CNTN3: variants seen among roughly 807,000 people sequenced by gnomAD.
CNTN3 encodes the protein contactin 3.
CNTN3 carries 60 observed loss-of-function variants against 119.1 expected under a neutral mutation model. The ratio of observed to expected loss-of-function variants is 0.50; its 90% CI spans 0.41 to 0.62. The LOEUF (loss-of-function observed/expected upper bound fraction) is 0.62. CNTN3 is among the 20% of genes least tolerant of loss of function. The probability of loss-of-function intolerance (pLI) is 0.00; values close to 1 mark genes in which losing one functional copy is unlikely to be tolerated. For synonymous variants in CNTN3, 450 were observed against 438.7 expected (o/e 1.03, Z -0.32); for missense variants, 1,101 against 1,242.4 (o/e 0.89, Z 1.71).
intron 5 of CNTN3, among the ~76,000 whole-genome samples, chr3:74,399,635 A>C (rs1705142718): frequency 6.6e-6 from 1 of 152,132 alleles, no homozygotes; most frequent in Admixed American, 6.5e-5. Context: ...AGAATGATTT[A>C]TATTCCTTTG....
At chr3:74,570,218 G>T (rs964600713) in intron 1 of CNTN3, among the ~76,000 whole-genome samples, 2 of 152,046 alleles carry the variant, frequency 1.3e-5, no homozygotes, top group Non-Finnish European at 2.9e-5. Context: ...GTATATGGAG[G>T]GGGAGGAGGG....
chr3:74,544,731 TG>T (rs1455163029), intron 1 of CNTN3, among the ~76,000 whole-genome samples: 2 of 152,074 alleles, frequency 1.3e-5, no homozygotes, highest in Non-Finnish European at 2.9e-5. Flanking sequence ...CCCAAGTAGC[TG>T]GGACTACAGG....
chr3:74,446,776 C>A (rs1443454043), intron 4 of CNTN3, among the ~76,000 whole-genome samples: 2 of 150,262 alleles, frequency 1.3e-5, no homozygotes, highest in East Asian at 3.9e-4. Context: ...ACAGTGCTAC[C>A]CTAGAGTATT....
In CNTN3 at chr3:74,285,523, G is replaced by T. The variant is rs148205686; in HGVS notation, c.2518-32C>A. On this transcript the variant is annotated intron_variant, in intron 19 of 22. Transcript: ENST00000263665. The stretch of plus-strand genomic sequence containing the variant: ...GGCGGAAGACACCAAACATGTGAAG[G>T]CTTAAAAAATTCTGCCCTTTCCATT... The T allele has an allele frequency of 1.5e-4, 242 of 1,562,136 alleles. No homozygotes were observed. In the East Asian group the frequency reaches 5.3e-3, roughly 34 times the overall value.
chr3:74,573,572 A>G (rs1005309664), intron 1 of CNTN3, among the ~76,000 whole-genome samples: 3 of 152,162 alleles, frequency 2.0e-5, no homozygotes, highest in African/African-American at 4.8e-5. Flanking sequence ...CTCAGAATAC[A>G]TAAAGAATTC....
At chr3:74,477,848 T>TA (rs1056662476) in intron 4 of CNTN3, among the ~76,000 whole-genome samples, 22 of 151,828 alleles carry the variant, frequency 1.4e-4, no homozygotes, top group Non-Finnish European at 2.8e-4. Context: ...ATTAAAAATT[T>TA]AAAAAAATTA....
Position 74,453,066 on chromosome 3 carries a change from G to T in CNTN3, c.359-28126C>A, listed in dbSNP as rs931670584. Among the ~76,000 whole-genome samples the T allele has an allele frequency of 2.0e-5, 3 of 151,782 alleles. No individual in the cohort carries two copies. In the East Asian group the frequency reaches 5.8e-4, roughly 30 times the overall value. Reference sequence around the variant, plus strand: ...AGGGAGGTTTCCCTCTTTTTCTATTGATTGGAATAGTTTCAGAAGGAATGG... The same window carrying T: ...AGGGAGGTTTCCCTCTTTTTCTATTTATTGGAATAGTTTCAGAAGGAATGG... On this transcript the variant is annotated intron_variant, in intron 4 of 22. Coordinates refer to ENST00000263665, the MANE Select transcript of CNTN3 (RefSeq NM_020872.3).
At chr3:74,401,504 A>ACGCG (rs1396252808) in intron 5 of CNTN3, among the ~76,000 whole-genome samples, 2 of 150,340 alleles carry the variant, frequency 1.3e-5, no homozygotes, top group Non-Finnish European at 1.5e-5. Flanking sequence ...CACACACCAC[A>ACGCG]CACGCGCGCA....
At chr3:74,386,220 AG>A (rs898078505) in intron 5 of CNTN3, among the ~76,000 whole-genome samples, 3 of 152,218 alleles carry the variant, frequency 2.0e-5, no homozygotes, top group Middle Eastern at 3.2e-3. Context: ...AGAATTCAAA[AG>A]GGTTGGGGAA....
intron 4 of CNTN3, among the ~76,000 whole-genome samples, chr3:74,463,982 G>T (rs1034611198): frequency 6.6e-6 from 1 of 152,116 alleles, no homozygotes; most frequent in African/African-American, 2.4e-5. Context: ...GCATTCCTCA[G>T]GAACCCTTTG....
At chr3:74,582,274 C>T (rs899954545) in intron 1 of CNTN3, among the ~76,000 whole-genome samples, 3 of 151,994 alleles carry the variant, frequency 2.0e-5, no homozygotes, top group Non-Finnish European at 2.9e-5. Flanking sequence ...GGTATGGTGG[C>T]GGGCGCCTGT....
chr3:74,418,852 G>T (rs368584005), intron 5 of CNTN3, among the ~76,000 whole-genome samples: 1 of 151,396 alleles, frequency 6.6e-6, no homozygotes, highest in African/African-American at 2.4e-5. Context: ...GCAATGGTGC[G>T]ATCTCGGCTT....
chr3:74,438,499 T>A (rs1701908971), intron 4 of CNTN3, among the ~76,000 whole-genome samples: 1 of 152,240 alleles, frequency 6.6e-6, no homozygotes, highest in Non-Finnish European at 1.5e-5. Flanking sequence ...GCCACATCTA[T>A]CCAGACTTAT....
At chr3:74,449,573 T>C (rs959093921) in intron 4 of CNTN3, among the ~76,000 whole-genome samples, 1 of 152,014 alleles carries the variant, frequency 6.6e-6, no homozygotes, top group African/African-American at 2.4e-5. Context: ...AAAGCACATA[T>C]AAAAATAAGA....
intron 13 of CNTN3, among the ~76,000 whole-genome samples, chr3:74,310,322 A>G (rs1206702360): frequency 6.6e-6 from 1 of 152,248 alleles, no homozygotes; most frequent in Non-Finnish European, 1.5e-5. Context: ...TACTATTGCT[A>G]TATAACAAAT....
At chr3:74,533,795 A>C (rs79615684) in intron 1 of CNTN3, among the ~76,000 whole-genome samples, 5,632 of 152,184 alleles carry the variant, frequency 0.037, 140 homozygotes, top group South Asian at 0.068. Context: ...TCTAGTGCAG[A>C]GATTCTCCAT....
chr3:74,322,216 A>G (rs1446901295), intron 13 of CNTN3, among the ~76,000 whole-genome samples: 1 of 151,858 alleles, frequency 6.6e-6, no homozygotes, highest in Non-Finnish European at 1.5e-5. Context: ...AAGATGAGCC[A>G]TAGACTTGGA....
Position 74,605,258 on chromosome 3 carries a change from T to C in CNTN3, c.-81+9133A>G, listed in dbSNP as rs144119342. On this transcript the variant is annotated intron_variant, in intron 1 of 22. Coordinates refer to ENST00000263665, the MANE Select transcript of CNTN3 (RefSeq NM_020872.3). Reference sequence around the variant, plus strand: ...GACTATAATTAATAATGCATTGTATTCTTGAAAATCACTAAGAGAATAGAT... The same window carrying C: ...GACTATAATTAATAATGCATTGTATCCTTGAAAATCACTAAGAGAATAGAT... Among the ~76,000 whole-genome samples, 130 of 152,200 alleles carry C rather than the reference T, an allele frequency of 8.5e-4. 1 individual carries two copies. In the East Asian group the frequency reaches 0.021, roughly 25 times the overall value.
chr3:74,521,299 GAAAACCCTCAGATA>G (rs1168458622), intron 1 of CNTN3, among the ~76,000 whole-genome samples, 107 bp from the exon 2 acceptor site: 1 of 150,170 alleles, frequency 6.7e-6, no homozygotes, highest in African/African-American at 2.4e-5. Flanking sequence ...TGGAGACACT[GAAAACCCTCAGATA>G]AAACAAATCT....
Sources: gnomAD v4.1 joint callset for allele counts (sites outside exome capture counted in the v4.1 genomes callset) on GRCh38, gnomAD v4.1.1 for gene constraint, MANE v1.5 for transcripts, NCBI Gene and HGNC (gene_info 2026-07-23, HGNC 2026-07-21) for gene names.